Variants in WNT2B observed in about 807,000 individuals in gnomAD.
WNT2B encodes Wnt family member 2B, also known as protein Wnt-2b.
In WNT2B, 19 loss-of-function variants were observed where a neutral mutation model predicts 40.5. The observed-to-expected ratio is 0.47, with a 90% CI of 0.33 to 0.69. WNT2B has a LOEUF of 0.69. Among genes scored for constraint, WNT2B ranks in the 30% least tolerant of loss-of-function variants. WNT2B has a pLI of 0.02. For synonymous variants in WNT2B, 220 were observed against 211.9 expected, an observed-to-expected ratio of 1.04 and a Z score of -0.33; for missense variants, 467 against 556.4, an observed-to-expected ratio of 0.84 and a Z score of 1.62.
At chr1:112,513,558 G>C (rs952191435) in intron 1 of WNT2B, among the ~76,000 whole-genome samples, 3 of 151,934 alleles carry the variant, frequency 2.0e-5, no homozygotes, top group African/African-American at 7.3e-5. Context: ...GGGTGGTGGG[G>C]GGGGACACAG....
At chr1:112,498,270 TTGAGGCGGAGTCTCACTCTGTTG>T in intron 1 of WNT2B, among the ~76,000 whole-genome samples, 1 of 152,236 alleles carries the variant, frequency 6.6e-6, no homozygotes, top group Non-Finnish European at 1.5e-5. Context: ...TTGTTTTGTT[TTGAGGCGGAGTCTCACTCTGTTG>T]CCCAGGCTGG....
In WNT2B at chr1:112,526,265, C is replaced by T. The variant is rs1653366587; in HGVS notation, c.*5756C>T. 1 of 916,154 alleles carries T rather than the reference C, an allele frequency of 1.1e-6. No homozygotes were observed. The highest frequency in any genetic ancestry group is 1.7e-5 in the African/African-American group (1 of 60,550). 56.8% of individuals were successfully genotyped at this position (916,154 alleles called of 1,614,324 possible). A position where few individuals can be genotyped will look rare whatever the true frequency, so the allele number is the denominator to read the frequency against. On this transcript the variant is annotated 3_prime_UTR_variant, in exon 5 of 5. Coordinates refer to ENST00000369684, the MANE Select transcript of WNT2B (RefSeq NM_024494.3). ...CTTTTGCCATTTCTGCCACTATTAC[C>T]ACCAGTACCATGTGACCACTATACA...
At chr1:112,519,854 A>T (rs1652758015) in intron 4 of WNT2B, among the ~76,000 whole-genome samples, 1 of 145,854 alleles carries the variant, frequency 6.9e-6, no homozygotes. Context: ...AGACAAGATG[A>T]TGTCAGAGCC....
upstream of WNT2B, among the ~76,000 whole-genome samples, chr1:112,508,363 C>T (rs3828074): frequency 0.27 from 39,682 of 149,332 alleles, 6,044 homozygotes; most frequent in East Asian, 0.43. The surrounding 1 kb of genome is among the most constrained non-coding windows in gnomAD (Gnocchi z 4.2). Flanking sequence ...AAGCAGGAGC[C>T]AGGTCTAAAC....
At chr1:112,510,499 C>T (rs920055057) in intron 1 of WNT2B, among the ~76,000 whole-genome samples, 10 of 152,160 alleles carry the variant, frequency 6.6e-5, no homozygotes, top group African/African-American at 1.4e-4. Context: ...TGCAAGCCCC[C>T]CTCCCCGAAA....
intron 1 of WNT2B, among the ~76,000 whole-genome samples, chr1:112,513,672 T>C (rs1465077820): frequency 1.3e-5 from 2 of 152,200 alleles, no homozygotes; most frequent in Non-Finnish European, 2.9e-5. Context: ...CACAGGCTCA[T>C]TCATAGCTCA....
chr1:112,514,649 G>T, intron 1 of WNT2B: 1 of 580,678 alleles, frequency 1.7e-6, no homozygotes, highest in South Asian at 2.0e-5. Context: ...TGGGGAACTG[G>T]TGATGGTGGG....
intron 1 of WNT2B, among the ~76,000 whole-genome samples, chr1:112,496,572 C>T (rs1651778108): frequency 6.6e-6 from 1 of 151,776 alleles, no homozygotes; most frequent in Non-Finnish European, 1.5e-5. Context: ...AATAGTGGGA[C>T]AGGTGTAGGA....
chr1:112,514,799 C>A, intron 1 of WNT2B, 75 bp from the exon 2 acceptor site: 1 of 1,445,696 alleles, frequency 6.9e-7, no homozygotes. Context: ...GGATGCTAAA[C>A]GTACCCCTTC....
At position 112,527,475 on chromosome 1, in the gene WNT2B, C is replaced by G. The variant is rs1653643304; in HGVS notation, c.*6966C>G. The G allele has an allele frequency of 2.0e-5, 3 of 152,764 alleles. No individual in the cohort carries two copies. In the South Asian group the frequency reaches 6.2e-4, roughly 32 times the overall value. 9.5% of individuals were successfully genotyped at this position (152,764 alleles called of 1,614,324 possible). On this transcript the variant is annotated 3_prime_UTR_variant, in exon 5 of 5. Transcript: ENST00000369684. ...CACCTCCTGCATAGCAGCACAGCCC[C>G]ATGAGGCCACACACCAGATGGAGGG... is the stretch of plus-strand genomic sequence containing the variant.
chr1:112,520,239 A>C, intron 4 of WNT2B, 41 bp from the exon 5 acceptor site: 13 of 1,573,900 alleles, frequency 8.3e-6, no homozygotes, highest in African/African-American at 1.3e-5. Flanking sequence ...GGGCAGCTGA[A>C]GAGATAACTT....
chr1:112,507,658 G>A (rs541327834), upstream of WNT2B, among the ~76,000 whole-genome samples: 97 of 152,298 alleles, frequency 6.4e-4, 1 homozygote, highest in Non-Finnish European at 1.1e-3. Flanking sequence ...CACCTCTAAC[G>A]CCACCACCGC....
At chr1:112,474,925 C>A (rs1004380163) in intron 1 of WNT2B, among the ~76,000 whole-genome samples, 3 of 152,178 alleles carry the variant, frequency 2.0e-5, no homozygotes, top group African/African-American at 7.2e-5. Context: ...CTTGCTCCTG[C>A]TTTGGCCATG....
upstream of WNT2B, among the ~76,000 whole-genome samples, chr1:112,505,206 T>C (rs1570785399): frequency 6.6e-6 from 1 of 152,310 alleles, no homozygotes; most frequent in African/African-American, 2.4e-5. Flanking sequence ...AGGCCCCAGG[T>C]AATCTGGCAG....
chr1:112,498,552 T>C (rs1651851318), intron 1 of WNT2B, among the ~76,000 whole-genome samples: 1 of 152,042 alleles, frequency 6.6e-6, no homozygotes, highest in Non-Finnish European at 1.5e-5. Context: ...CTCTTTTTTT[T>C]TTTAATGGCT....
intron 1 of WNT2B, among the ~76,000 whole-genome samples, chr1:112,478,372 CA>C (rs1160698525): frequency 6.6e-6 from 1 of 151,870 alleles, no homozygotes; most frequent in East Asian, 1.9e-4. Flanking sequence ...AAATAGCCCC[CA>C]AATAGAATCA....
intron 3 of WNT2B, 96 bp from the exon 4 acceptor site, chr1:112,517,025 A>C: frequency 6.6e-7 from 1 of 1,512,496 alleles, no homozygotes; most frequent in Admixed American, 1.9e-5. Context: ...GGCCAGGTCC[A>C]GCCTATCTCA....
rs201662450 is a variant in WNT2B, at chr1:112,514,980, G to A, written c.289G>A (p.Gly97Ser). ...TTACCCAGACATCATGCGTTCAGTGGGCGAGGGTGCCCGAGAATGGATCCG... is the reference window on the plus strand; with the variant it reads ...TTACCCAGACATCATGCGTTCAGTGAGCGAGGGTGCCCGAGAATGGATCCG... Reference protein sequence around the residue: ...QRYPDIMRSVGEGAREWIREC... With the variant: ...QRYPDIMRSVSEGAREWIREC... Residue 97 changes from glycine (G) to serine (S), a missense_variant, in exon 2 of 5, where the codon GGC (glycine) becomes AGC (serine). Gly to Ser is a moderately conservative substitution (Grantham distance 56, BLOSUM62 0). Coordinates refer to ENST00000369684, the MANE Select transcript of WNT2B (RefSeq NM_024494.3). 8.5e-5 allele frequency: 137 copies of A among 1,614,196 alleles called. No homozygotes were observed. The highest frequency in any genetic ancestry group is 3.3e-4 in the Middle Eastern group (2 of 6,062).
At chr1:112,474,064 CA>C (rs57010677) in intron 1 of WNT2B, among the ~76,000 whole-genome samples, 1,282 of 117,960 alleles carry the variant, frequency 0.011, 10 homozygotes, top group African/African-American at 0.026. Context: ...GACTCTGTCT[CA>C]AAAAAAAAAA....
Sources: allele counts gnomAD v4.1 joint callset (sites outside exome capture counted in the v4.1 genomes callset), GRCh38; gene constraint gnomAD v4.1.1; non-coding constraint Gnocchi (gnomAD v3.1); transcripts MANE v1.5; gene names NCBI Gene and HGNC (gene_info 2026-07-23, HGNC 2026-07-21).